GRB10: variants seen among roughly 807,000 people sequenced by gnomAD.
GRB10 encodes the protein growth factor receptor-bound protein 10.
A neutral mutation model predicts 80.9 loss-of-function variants in GRB10; 20 were observed. The observed-to-expected ratio is 0.25, with a 90% CI of 0.17 to 0.36. The LOEUF (loss-of-function observed/expected upper bound fraction) is 0.36, where lower values mean the gene tolerates loss of function less well. GRB10 is among the 10% of genes least tolerant of loss of function. GRB10 has a pLI of 1.00. For synonymous variants in GRB10, 291 were observed against 291.5 expected (o/e 1.00, Z 0.02); for missense variants, 548 against 747.7 (o/e 0.73, Z 3.12).
At chr7:50,634,823 T>C (rs2329487) in intron 7 of GRB10, among the ~76,000 whole-genome samples, 80,215 of 152,120 alleles carry the variant, frequency 0.53, 21,296 homozygotes, top group Admixed American at 0.54. Context: ...TAAGAATGCA[T>C]TCAATACAAG....
chr7:50,673,545 C>T (rs1403076561), intron 6 of GRB10, among the ~76,000 whole-genome samples: 1 of 152,164 alleles, frequency 6.6e-6, no homozygotes. Context: ...CAAAACGCAG[C>T]TGCTCCTCCT....
intron 2 of GRB10, chr7:50,761,823 C>G (rs540246786): frequency 6.6e-6 from 1 of 152,130 alleles, no homozygotes; most frequent in African/African-American, 2.4e-5. Flanking sequence ...TAGCACCATC[C>G]TCGTGGTGCT....
chr7:50,646,182 T>A (rs1409437883), intron 7 of GRB10, among the ~76,000 whole-genome samples: 1 of 152,214 alleles, frequency 6.6e-6, no homozygotes, highest in Admixed American at 6.5e-5. Flanking sequence ...AAATGGTATA[T>A]AAACATCTCA....
intron 3 of GRB10, among the ~76,000 whole-genome samples, chr7:50,735,690 A>G (rs956140577): frequency 6.6e-6 from 1 of 152,264 alleles, no homozygotes; most frequent in African/African-American, 2.4e-5. Flanking sequence ...ATTAAAACTA[A>G]TAAAAACTAA....
In GRB10 at chr7:50,629,260, A is replaced by AT. The variant is rs548549001; in HGVS notation, c.505-2283dup. On this transcript the variant is annotated intron_variant, in intron 7 of 18. Coordinates refer to ENST00000401949, the MANE Select transcript of GRB10 (RefSeq NM_001350814.2). ...AATCAGCCATGCCAATGGTTTTCTC[A>AT]TTTTTTTTTTCAGCCCTGCTGCATT... 2.1e-3 allele frequency among the ~76,000 whole-genome samples: 298 copies of AT among 144,442 alleles called. No individual in the cohort carries two copies. The Middle Eastern group carries it at 0.025, about 12-fold the overall frequency. 94.8% of individuals were successfully genotyped at this position (144,442 alleles called of 152,430 possible). A position where few individuals can be genotyped will look rare whatever the true frequency, so the allele number is the denominator to read the frequency against.
At chr7:50,676,802 T>G (rs1230762726) in intron 5 of GRB10, among the ~76,000 whole-genome samples, 6 of 152,052 alleles carry the variant, frequency 3.9e-5, no homozygotes, top group Admixed American at 1.3e-4. Flanking sequence ...GGGTAGTGCT[T>G]GGGCTTCTGG....
intron 3 of GRB10, among the ~76,000 whole-genome samples, chr7:50,748,361 C>G (rs188819297): frequency 6.6e-6 from 1 of 152,174 alleles, no homozygotes; most frequent in Admixed American, 6.5e-5. Context: ...CAGATGGACA[C>G]GAGTGGGCAC....
At chr7:50,771,091 T>C (rs1168511214) in intron 2 of GRB10, among the ~76,000 whole-genome samples, 1 of 152,162 alleles carries the variant, frequency 6.6e-6, no homozygotes, top group East Asian at 1.9e-4. Flanking sequence ...TGCTGCCCAG[T>C]GAAACTCTGC....
intron 5 of GRB10, among the ~76,000 whole-genome samples, chr7:50,684,263 T>C (rs1380751471): frequency 2.1e-4 from 10 of 47,800 alleles, no homozygotes; most frequent in Admixed American, 3.7e-4. Flanking sequence ...AACTCAATCA[T>C]CACCAAAAAA....
At chr7:50,628,601 G>GCTC (rs2053436511) in intron 7 of GRB10, among the ~76,000 whole-genome samples, 1 of 152,044 alleles carries the variant, frequency 6.6e-6, no homozygotes, top group Non-Finnish European at 1.5e-5. Flanking sequence ...GGCTCAGCGA[G>GCTC]AGCGGAAGAG....
chr7:50,789,371 CCAAT>C (rs1329022937), intron 1 of GRB10, among the ~76,000 whole-genome samples: 1 of 152,238 alleles, frequency 6.6e-6, no homozygotes, highest in Non-Finnish European at 1.5e-5. Context: ...CTGCATCGTG[CCAAT>C]CACACACATC....
chr7:50,642,127 C>T (rs1235627577), intron 7 of GRB10, among the ~76,000 whole-genome samples: 3 of 152,100 alleles, frequency 2.0e-5, no homozygotes, highest in Admixed American at 6.5e-5. Context: ...ACTCACTGTC[C>T]CCTCCTCTTG....
intron 10 of GRB10, among the ~76,000 whole-genome samples, chr7:50,617,083 C>T (rs531274385): frequency 4.6e-5 from 7 of 152,256 alleles, no homozygotes; most frequent in East Asian, 3.9e-4. Flanking sequence ...CTTCACAAAG[C>T]GCATGGATCC....
At chr7:50,664,800 A>G (rs528782822) in intron 7 of GRB10, among the ~76,000 whole-genome samples, 22 of 152,246 alleles carry the variant, frequency 1.4e-4, no homozygotes, top group African/African-American at 5.1e-4. Context: ...TTGCTATATC[A>G]ATCACCCTTA....
chr7:50,696,144 A>T (rs2063387877), intron 5 of GRB10, among the ~76,000 whole-genome samples: 1 of 152,160 alleles, frequency 6.6e-6, no homozygotes, highest in Non-Finnish European at 1.5e-5. Context: ...TATGCTATTG[A>T]TTGAATTGAA....
intron 7 of GRB10, among the ~76,000 whole-genome samples, chr7:50,658,249 C>G (rs750426261): frequency 2.9e-4 from 44 of 152,232 alleles, no homozygotes; most frequent in Non-Finnish European, 5.7e-4. Flanking sequence ...ACTGTGGATT[C>G]CTACTCAAAA....
intron 17 of GRB10, among the ~76,000 whole-genome samples, chr7:50,597,677 C>T (rs2046904391): frequency 6.6e-6 from 1 of 152,226 alleles, no homozygotes; most frequent in Non-Finnish European, 1.5e-5. Context: ...TGGGAAGTCC[C>T]AAGGCTGCTG....
chr7:50,632,974 G>C (rs932190455), intron 7 of GRB10, among the ~76,000 whole-genome samples: 4 of 152,150 alleles, frequency 2.6e-5, no homozygotes, highest in African/African-American at 9.7e-5. Context: ...TGGTGGCAGA[G>C]TGCAGGACGG....
At chr7:50,756,274 A>C (rs2075068429) in intron 2 of GRB10, among the ~76,000 whole-genome samples, 1 of 152,224 alleles carries the variant, frequency 6.6e-6, no homozygotes, top group Non-Finnish European at 1.5e-5. Flanking sequence ...GGACAGAGGG[A>C]AGATGCACTG....
Sources: gnomAD v4.1 joint callset for allele counts (sites outside exome capture counted in the v4.1 genomes callset) on GRCh38, gnomAD v4.1.1 for gene constraint, MANE v1.5 for transcripts, NCBI Gene and HGNC (gene_info 2026-07-23, HGNC 2026-07-21) for gene names.